The following SRBD1 variants were observed in gnomAD, a reference collection of about 807,000 sequenced individuals.
SRBD1 encodes S1 RNA binding domain 1.
SRBD1 carries 88 observed loss-of-function variants against 115.3 expected under a neutral mutation model. That is an observed-to-expected ratio of 0.76 (90% CI 0.64 to 0.91). The LOEUF is 0.91. Ranked by LOEUF, SRBD1 falls within the 40% of genes least tolerant of loss-of-function variation. The pLI is 0.00. For synonymous variants in SRBD1, 509 were observed against 407.7 expected (o/e 1.25, Z -2.99); for missense variants, 1,385 against 1,177.4 (o/e 1.18, Z -2.58).
chr2:45,395,108 T>C (rs961001105), intron 19 of SRBD1, among the ~76,000 whole-genome samples: 1 of 152,238 alleles, frequency 6.6e-6, no homozygotes, highest in African/African-American at 2.4e-5. Flanking sequence ...TTCTAAATAA[T>C]GCGTGCCCTG....
chr2:45,474,000 G>A (rs1459490712), intron 16 of SRBD1, among the ~76,000 whole-genome samples: 1 of 152,118 alleles, frequency 6.6e-6, no homozygotes, highest in Non-Finnish European at 1.5e-5. Flanking sequence ...CATTCTGAAG[G>A]AATTCAACCT....
chr2:45,442,899 G>C (rs150141087), intron 16 of SRBD1, among the ~76,000 whole-genome samples: 35 of 152,260 alleles, frequency 2.3e-4, no homozygotes, highest in African/African-American at 8.2e-4. Flanking sequence ...GGAGGCAGTA[G>C]TGTCTCGTCC....
intron 14 of SRBD1, among the ~76,000 whole-genome samples, chr2:45,506,391 T>G (rs997267856): frequency 2.0e-5 from 3 of 152,192 alleles, no homozygotes; most frequent in Non-Finnish European, 4.4e-5. Flanking sequence ...GTATTTAACT[T>G]AGTAATACTT....
intron 4 of SRBD1, among the ~76,000 whole-genome samples, chr2:45,593,262 A>T (rs1035848967): frequency 6.6e-5 from 10 of 152,278 alleles, no homozygotes; most frequent in Non-Finnish European, 1.0e-4. Context: ...CCATTTTATA[A>T]ATGCAAAAAC....
intron 15 of SRBD1, among the ~76,000 whole-genome samples, chr2:45,477,397 G>A (rs75283101): frequency 0.02 from 3,010 of 152,168 alleles, 95 homozygotes; most frequent in African/African-American, 0.069. Flanking sequence ...CATTCTTTAC[G>A]TAAAGCATAA....
chr2:45,572,540 C>T (rs1437587378), intron 9 of SRBD1, among the ~76,000 whole-genome samples: 2 of 151,908 alleles, frequency 1.3e-5, no homozygotes, highest in African/African-American at 4.8e-5. Flanking sequence ...AGTAGACCTG[C>T]CTTACATGAA....
rs138516107 is a variant in SRBD1, at chr2:45,579,920, G to C, written c.1027C>G (p.Pro343Ala). 17 of 1,609,828 alleles carry C rather than the reference G, an allele frequency of 1.1e-5. No individual in the cohort carries two copies. The African/African-American group carries it at 2.0e-4, about 19-fold the overall frequency. ...EGAARALLEK[P>A]GELSLLSYIR... ...TACGATAGCAGACTGAGCTCCCCTG[G>C]TTTCTCAAGCAGTGCCCTGGCTGCT... The change falls in exon 7 of 21, where the codon CCA (proline) becomes GCA (alanine). Residue 343 changes from proline to alanine, a missense_variant. Pro to Ala is a conservative substitution (Grantham distance 27). Coordinates refer to ENST00000263736, the MANE Select transcript of SRBD1 (RefSeq NM_018079.5).
At position 45,393,096 on chromosome 2, in the gene SRBD1, C is replaced by G; in HGVS notation, c.2547G>C (p.Glu849Asp). Residue 849 changes from glutamate (E) to aspartate (D), a missense_variant, in exon 20 of 21, where the codon GAG becomes GAC. Physicochemically the swap from Glu to Asp is conservative, Grantham distance 45. Coordinates refer to ENST00000263736, the MANE Select transcript of SRBD1 (RefSeq NM_018079.5). Reference protein sequence around the residue: ...FLSSIGGTLYEVGKPEMQQKI... With the variant: ...FLSSIGGTLYDVGKPEMQQKI... ...TTTGTTGCATTTCAGGCTTTCCAAC[C>G]TCATACAGTGTCCCTCCAATGGATG... 6.2e-7 allele frequency: 1 copy of G among 1,612,712 alleles called. No individual in the cohort carries two copies. Among genetic ancestry groups the G allele is most frequent in the Non-Finnish European group, 8.5e-7 (1 of 1,179,560 alleles).
At chr2:45,427,265 G>A (rs1323127498) in intron 16 of SRBD1, among the ~76,000 whole-genome samples, 1 of 151,994 alleles carries the variant, frequency 6.6e-6, no homozygotes, top group Non-Finnish European at 1.5e-5. Context: ...AATCGATCAG[G>A]TGGAAGAAAG....
intron 3 of SRBD1, among the ~76,000 whole-genome samples, chr2:45,601,215 G>A (rs188674867): frequency 2.6e-5 from 4 of 152,236 alleles, no homozygotes; most frequent in South Asian, 2.1e-4. Flanking sequence ...AAACTCAAAC[G>A]AATGGATTTA....
chr2:45,504,379 T>C (rs916808415), intron 14 of SRBD1, among the ~76,000 whole-genome samples: 1 of 151,896 alleles, frequency 6.6e-6, no homozygotes, highest in African/African-American at 2.4e-5. Flanking sequence ...AAATTCTTTA[T>C]GTTTTTTGCA....
chr2:45,514,934 C>T (rs1408004318), intron 14 of SRBD1, among the ~76,000 whole-genome samples: 1 of 152,168 alleles, frequency 6.6e-6, no homozygotes, highest in African/African-American at 2.4e-5. Context: ...ACAGCTGTAA[C>T]AGACCATATT....
At chr2:45,450,475 C>A (rs895725134) in intron 16 of SRBD1, among the ~76,000 whole-genome samples, 2 of 152,036 alleles carry the variant, frequency 1.3e-5, no homozygotes, top group African/African-American at 2.4e-5. Flanking sequence ...AATTTTAGAT[C>A]TTCTATACTG....
At chr2:45,438,962 G>A (rs1202699965) in intron 16 of SRBD1, among the ~76,000 whole-genome samples, 1 of 152,054 alleles carries the variant, frequency 6.6e-6, no homozygotes, top group Non-Finnish European at 1.5e-5. Context: ...CAAAGATAAA[G>A]GGAAAATTGT....
chr2:45,492,047 C>G (rs562895906), intron 14 of SRBD1, among the ~76,000 whole-genome samples: 1 of 152,130 alleles, frequency 6.6e-6, no homozygotes, highest in Non-Finnish European at 1.5e-5. Context: ...ATCAGAACTC[C>G]CAACCTCGGG....
chr2:45,507,059 T>C (rs1227249478), intron 14 of SRBD1, among the ~76,000 whole-genome samples: 1 of 152,180 alleles, frequency 6.6e-6, no homozygotes, highest in Non-Finnish European at 1.5e-5. Flanking sequence ...GTTTGGCGTA[T>C]AGTAAAGAAT....
intron 15 of SRBD1, among the ~76,000 whole-genome samples, chr2:45,484,087 A>T (rs1471251433): frequency 6.6e-6 from 1 of 151,420 alleles, no homozygotes; most frequent in South Asian, 2.1e-4. Context: ...TTCTGTCTTC[A>T]TCATCTCTAT....
rs760399160 is a variant in SRBD1 at position 45,393,095 on chromosome 2, C to T, written c.2548G>A (p.Val850Ile). ...LSSIGGTLYE[V>I]GKPEMQQKIN... ...TTTTGTTGCATTTCAGGCTTTCCAA[C>T]CTCATACAGTGTCCCTCCAATGGAT... Residue 850 changes from valine (V) to isoleucine (I), a missense_variant, in exon 20 of 21, where the codon GTT becomes ATT. Transcript: ENST00000263736. 1 of 1,612,730 alleles carries T rather than the reference C, an allele frequency of 6.2e-7. No individual in the cohort carries two copies. The highest frequency in any genetic ancestry group is 8.5e-7 in the Non-Finnish European group (1 of 1,179,574).
At chr2:45,564,844 G>A (rs1672777469) in intron 9 of SRBD1, among the ~76,000 whole-genome samples, 1 of 152,040 alleles carries the variant, frequency 6.6e-6, no homozygotes, top group South Asian at 2.1e-4. Flanking sequence ...TCATATACAT[G>A]GGTTCTGCAG....
Sources: allele counts gnomAD v4.1 joint callset (sites outside exome capture counted in the v4.1 genomes callset), GRCh38; gene constraint gnomAD v4.1.1; transcripts MANE v1.5; gene names NCBI Gene and HGNC (gene_info 2026-07-23, HGNC 2026-07-21).